Variants in CYP20A1 observed in about 807,000 individuals in gnomAD.
CYP20A1 encodes cytochrome P450 20A1.
A neutral mutation model predicts 61.4 loss-of-function variants in CYP20A1; 61 were observed. That is an observed-to-expected ratio of 0.99 (90% CI 0.81 to 1.23). The LOEUF (loss-of-function observed/expected upper bound fraction) is 1.23. Ranked by LOEUF, CYP20A1 falls within the 50% of genes most tolerant of loss-of-function variation. The pLI, the probability that CYP20A1 is intolerant of heterozygous loss-of-function variation, is 0.00. For missense variants in CYP20A1, 530 were observed against 542.4 expected, an observed-to-expected ratio of 0.98 and a Z score of 0.23; for synonymous variants, 193 against 188.2, an observed-to-expected ratio of 1.03 and a Z score of -0.21.
intron 6 of CYP20A1, among the ~76,000 whole-genome samples, chr2:203,275,654 TG>T (rs1334980521): frequency 1.3e-5 from 2 of 152,126 alleles, no homozygotes; most frequent in Non-Finnish European, 2.9e-5. Flanking sequence ...TGGCCAGGCT[TG>T]TCTCAAACTC....
intron 4 of CYP20A1, among the ~76,000 whole-genome samples, chr2:203,260,980 C>CT (rs1416071124): frequency 2.7e-5 from 4 of 149,398 alleles, no homozygotes; most frequent in Non-Finnish European, 4.5e-5. Context: ...CTTTTTTTCT[C>CT]TTTTTTCTTG....
rs1360707276 is a variant in CYP20A1, at chr2:203,303,175, AT to A, written c.*6276del. On this transcript the variant is annotated 3_prime_UTR_variant, in exon 13 of 13. Transcript: ENST00000356079. The stretch of plus-strand genomic sequence containing the variant: ...GCCACTACACTCAGCTAATTTTTGT[AT>A]TTTTTTTTAGTAGAGACAGGGTTTC... 2.1e-5 allele frequency among the ~76,000 whole-genome samples: 3 copies of A among 143,352 alleles called. No homozygotes were observed. The highest frequency in any genetic ancestry group is 7.0e-5 in the Admixed American group (1 of 14,266). The allele number at this position is 143,352 out of a possible 152,430, so 94.0% of individuals were successfully genotyped here.
intron 4 of CYP20A1, among the ~76,000 whole-genome samples, chr2:203,257,961 G>T (rs1229425493): frequency 4.6e-5 from 7 of 152,302 alleles, no homozygotes; most frequent in East Asian, 1.9e-4. Flanking sequence ...AAGTGCAGTG[G>T]CACAATTATA....
intron 8 of CYP20A1, among the ~76,000 whole-genome samples, chr2:203,285,174 C>A (rs1312757821): frequency 6.6e-6 from 1 of 152,122 alleles, no homozygotes; most frequent in Non-Finnish European, 1.5e-5. Context: ...ATCGATAAAT[C>A]TGCTAGCTTG....
At chr2:203,276,595 G>A (rs920992591) in intron 6 of CYP20A1, among the ~76,000 whole-genome samples, 1 of 152,244 alleles carries the variant, frequency 6.6e-6, no homozygotes, top group Admixed American at 6.5e-5. Context: ...TAAAATTAGG[G>A]TATAAGGGAG....
At position 203,278,577 on chromosome 2, in the gene CYP20A1, C is replaced by G. The variant is rs1034229837; in HGVS notation, c.684C>G (p.Leu228=). Residue 228 remains leucine (L), a synonymous_variant, in exon 7 of 13, where the codon CTC becomes CTG. Transcript: ENST00000356079. ...MTRKKQYEDA[L]MQLESVLRNI... ...TATTTTGTTTTTTTCTCTAAGCCCT[C>G]ATGCAACTGGAGTCTGTTTTAAGGA... 6.5e-7 allele frequency: 1 copy of G among 1,541,090 alleles called. No homozygotes were observed. Among genetic ancestry groups the G allele is most frequent in the Non-Finnish European group, 8.8e-7 (1 of 1,137,354 alleles).
intron 5 of CYP20A1, among the ~76,000 whole-genome samples, chr2:203,272,055 ACT>A (rs1474391932): frequency 2.6e-5 from 4 of 151,982 alleles, no homozygotes; most frequent in Non-Finnish European, 4.4e-5. Context: ...ATGAGGGTTG[ACT>A]CTACTGCTGT....
Position 203,278,391 on chromosome 2 carries a change from G to A in CYP20A1, c.680-182G>A, listed in dbSNP as rs550119474. 2.0e-5 allele frequency among the ~76,000 whole-genome samples: 3 copies of A among 152,300 alleles called. No individual in the cohort carries two copies. In the South Asian group the frequency reaches 6.2e-4, roughly 32 times the overall value. On this transcript the variant is annotated intron_variant, in intron 6 of 12. Coordinates refer to ENST00000356079, the MANE Select transcript of CYP20A1 (RefSeq NM_177538.3). The stretch of plus-strand genomic sequence containing the variant: ...ACATGCTTTGTGCACTTTTTTGTAT[G>A]TATGTTAAATTTGGCAAAAAAGGAA...
intron 7 of CYP20A1, among the ~76,000 whole-genome samples, chr2:203,279,346 A>G (rs919485160): frequency 3.3e-5 from 5 of 152,198 alleles, no homozygotes; most frequent in African/African-American, 1.2e-4. Context: ...GCAGCTGTAT[A>G]TTATTTAATA....
At chr2:203,273,749 A>G (rs776173732) in intron 6 of CYP20A1, among the ~76,000 whole-genome samples, 9 of 152,064 alleles carry the variant, frequency 5.9e-5, no homozygotes, top group Non-Finnish European at 8.8e-5. Flanking sequence ...TTCGAGACCA[A>G]TCTAGCCAAC....
intron 1 of CYP20A1, among the ~76,000 whole-genome samples, chr2:203,242,276 G>A (rs776559945): frequency 6.6e-5 from 10 of 152,126 alleles, no homozygotes; most frequent in Non-Finnish European, 1.3e-4. Flanking sequence ...ATGAGCCACC[G>A]CAACATTTGT....
At chr2:203,280,013 C>G (rs746266477) in intron 7 of CYP20A1, 46 bp from the exon 8 acceptor site, 2 of 1,391,690 alleles carry the variant, frequency 1.4e-6, no homozygotes, top group Non-Finnish European at 2.0e-6. Flanking sequence ...CTAATATAGG[C>G]TACCTTACAT....
chr2:203,292,422 T>C, intron 11 of CYP20A1, 96 bp downstream of exon 11: 1 of 803,704 alleles, frequency 1.2e-6, no homozygotes, highest in Middle Eastern at 2.3e-4. Flanking sequence ...ACTCAATATG[T>C]AGCAATGATA....
intron 5 of CYP20A1, among the ~76,000 whole-genome samples, chr2:203,271,732 G>A (rs1357266268): frequency 6.6e-6 from 1 of 152,044 alleles, no homozygotes; most frequent in East Asian, 1.9e-4. Context: ...TTACACTTAT[G>A]CCAGTATAAT....
chr2:203,263,350 C>T (rs1461346323), intron 4 of CYP20A1, among the ~76,000 whole-genome samples: 15 of 148,724 alleles, frequency 1.0e-4, no homozygotes, highest in African/African-American at 2.5e-4. Context: ...AGTGTTGTGG[C>T]GCGATCTCGG....
chr2:203,249,206 A>G (rs560397383), intron 3 of CYP20A1, among the ~76,000 whole-genome samples: 2 of 152,332 alleles, frequency 1.3e-5, no homozygotes, highest in South Asian at 4.1e-4. Flanking sequence ...TAAAAATGAA[A>G]AATTTTAGTA....
chr2:203,300,294 T>G lies in CYP20A1; in HGVS notation c.*3386T>G, dbSNP rs147409995. Among the ~76,000 whole-genome samples, 103 of 152,338 alleles carry G rather than the reference T, an allele frequency of 6.8e-4. No homozygotes were observed. The highest frequency in any genetic ancestry group is 2.4e-3 in the African/African-American group (99 of 41,584). On this transcript the variant is annotated 3_prime_UTR_variant, in exon 13 of 13. Coordinates refer to ENST00000356079, the MANE Select transcript of CYP20A1 (RefSeq NM_177538.3). ...GATTAAAAAGAAGTTATTCTCTAGA[T>G]AATTTTTTAAATAAAAGTACTGTTA...
intron 1 of CYP20A1, among the ~76,000 whole-genome samples, chr2:203,241,164 T>C (rs2066241137): frequency 1.3e-5 from 2 of 152,314 alleles, no homozygotes; most frequent in Admixed American, 6.5e-5. Flanking sequence ...TCTGGAAGGA[T>C]AGATTAATTC....
At chr2:203,251,817 A>ATATATATGTGTGTATATATATATATAT (rs34111991) in intron 3 of CYP20A1, 150 bp from the exon 4 acceptor site, 1 of 95,294 alleles carries the variant, frequency 1.0e-5, no homozygotes. Flanking sequence ...ATATATATAT[A>ATATATATGTGTGTATATATATATATAT]AAAAATAAAA....
Sources: allele counts gnomAD v4.1 joint callset (sites outside exome capture counted in the v4.1 genomes callset), GRCh38; gene constraint gnomAD v4.1.1; transcripts MANE v1.5; gene names NCBI Gene and HGNC (gene_info 2026-07-23, HGNC 2026-07-21).